The following CASK variants were observed in gnomAD, a reference collection of about 807,000 sequenced individuals.
CASK encodes the protein calcium/calmodulin dependent serine protein kinase.
Under a neutral mutation model 82.9 loss-of-function variants are expected in CASK, and 4 were observed. That is an observed-to-expected ratio of 0.05 (90% CI 0.02 to 0.11). The LOEUF is 0.11. CASK is among the 10% of genes least tolerant of loss of function. The pLI is 1.00. For missense variants in CASK, 358 were observed against 720.9 expected, an observed-to-expected ratio of 0.50 and a Z score of 5.76; for synonymous variants, 259 against 253.5, an observed-to-expected ratio of 1.02 and a Z score of -0.20.
chrX:41,534,029 C>CATCT (rs1174738486), intron 24 of CASK, among the ~76,000 whole-genome samples: 1 of 111,583 alleles, frequency 9.0e-6, no homozygotes, highest in Admixed American at 9.6e-5. Context: ...ACTTATCCAC[C>CATCT]ATCTGCTAAG....
chrX:41,694,018 T>A (rs1487026751), intron 5 of CASK, among the ~76,000 whole-genome samples: 1 of 112,222 alleles, frequency 8.9e-6, no homozygotes, highest in Non-Finnish European at 1.9e-5. Context: ...CCACTTTGCA[T>A]GGTAGCAGTC....
chrX:41,633,132 G>T (rs2066502185), intron 9 of CASK, among the ~76,000 whole-genome samples: 2 of 109,566 alleles, frequency 1.8e-5, no homozygotes, highest in South Asian at 3.9e-4. Context: ...GGAAATAAAT[G>T]ATTTTATCCT....
At chrX:41,622,715 A>T in intron 10 of CASK, 81 bp from the exon 11 acceptor site, 1 of 824,178 alleles carries the variant, frequency 1.2e-6, no homozygotes, top group Non-Finnish European at 1.7e-6. Context: ...AGTTCGGCCC[A>T]CTACATGAGC....
chrX:41,538,157 T>G (rs750175688), intron 22 of CASK, among the ~76,000 whole-genome samples: 2 of 111,765 alleles, frequency 1.8e-5, no homozygotes, highest in African/African-American at 6.5e-5. Flanking sequence ...ATTATTATTT[T>G]TAATGCCAAC....
chrX:41,562,885 C>T (rs1258552345), intron 16 of CASK: 1 of 105,638 alleles, frequency 9.5e-6, no homozygotes, highest in Non-Finnish European at 1.9e-5. Flanking sequence ...ATGGTGAAAC[C>T]CCGTCTCTAC....
At chrX:41,710,715 AG>A (rs1429124014) in intron 5 of CASK, among the ~76,000 whole-genome samples, 4 of 112,308 alleles carry the variant, frequency 3.6e-5, no homozygotes, top group South Asian at 3.7e-4. Context: ...TGAGGCTGGT[AG>A]CCTTGAAAGA....
intron 1 of CASK, among the ~76,000 whole-genome samples, chrX:41,908,412 G>A (rs1416832184): frequency 9.0e-6 from 1 of 111,635 alleles, no homozygotes; most frequent in African/African-American, 3.3e-5. Flanking sequence ...CAGCTCACAT[G>A]AATCCCTAAA....
At chrX:41,591,896 T>A (rs1011443758) in intron 12 of CASK, among the ~76,000 whole-genome samples, 1 of 111,293 alleles carries the variant, frequency 9.0e-6, no homozygotes, top group African/African-American at 3.3e-5. Flanking sequence ...CCCTGACGTG[T>A]CATAATATTA....
intron 5 of CASK, among the ~76,000 whole-genome samples, chrX:41,672,365 A>G (rs781090688): frequency 1.8e-5 from 2 of 111,065 alleles, no homozygotes; most frequent in Non-Finnish European, 3.8e-5. Context: ...TGGTGTCAGG[A>G]AAGAATTTCA....
chrX:41,520,799 T>A (rs2064626354), intron 26 of CASK, among the ~76,000 whole-genome samples: 1 of 111,925 alleles, frequency 8.9e-6, no homozygotes, highest in Admixed American at 9.4e-5. Context: ...TTGCTCAACA[T>A]GCAACAGAGG....
chrX:41,720,441 G>A (rs1375068449), intron 5 of CASK, among the ~76,000 whole-genome samples: 4 of 112,720 alleles, frequency 3.5e-5, no homozygotes, highest in Non-Finnish European at 7.5e-5. Flanking sequence ...GGTGTATGTT[G>A]AACTGGACAA....
intron 5 of CASK, among the ~76,000 whole-genome samples, chrX:41,719,484 G>A (rs1271765475): frequency 1.8e-5 from 2 of 112,167 alleles, no homozygotes; most frequent in Non-Finnish European, 3.8e-5. Context: ...TTTGTCATTA[G>A]TCTTTTCTTA....
At chrX:41,749,251 T>C (rs2068746225) in intron 3 of CASK, among the ~76,000 whole-genome samples, 1 of 106,549 alleles carries the variant, frequency 9.4e-6, no homozygotes, top group Admixed American at 1.0e-4. Flanking sequence ...ATTGCACCAC[T>C]GCACTCCAGT....
intron 26 of CASK, chrX:41,522,185 C>A (rs1173681328): frequency 9.0e-6 from 1 of 111,630 alleles, no homozygotes; most frequent in Non-Finnish European, 1.9e-5. Flanking sequence ...GAGGTCCAGG[C>A]AAGCCTCAGC....
At chrX:41,678,311 T>G (rs1285949263) in intron 5 of CASK, among the ~76,000 whole-genome samples, 1 of 111,342 alleles carries the variant, frequency 9.0e-6, no homozygotes, top group Non-Finnish European at 1.9e-5. Flanking sequence ...ATGCTTTTTT[T>G]TTTCCAATGT....
At chrX:41,652,017 A>G (rs1036841370) in intron 8 of CASK, among the ~76,000 whole-genome samples, 9 of 111,556 alleles carry the variant, frequency 8.1e-5, no homozygotes, top group Non-Finnish European at 1.5e-4. Flanking sequence ...TCCTTCCCCC[A>G]CATTTTAAAT....
intron 12 of CASK, among the ~76,000 whole-genome samples, chrX:41,606,794 G>T (rs1245702338): frequency 9.1e-6 from 1 of 109,632 alleles, no homozygotes; most frequent in Non-Finnish European, 1.9e-5. Flanking sequence ...CTGGGCTCAG[G>T]TGATCCTTCA....
intron 1 of CASK, among the ~76,000 whole-genome samples, chrX:41,916,139 T>C (rs1197341540): frequency 8.9e-6 from 1 of 112,333 alleles, no homozygotes; most frequent in African/African-American, 3.2e-5. Flanking sequence ...ATCGTGCCAC[T>C]GCACTCCAGC....
chrX:41,636,973 T>A (rs1160528631), intron 8 of CASK, among the ~76,000 whole-genome samples: 2 of 111,627 alleles, frequency 1.8e-5, no homozygotes, highest in African/African-American at 6.5e-5. Flanking sequence ...ACTTTTTTTT[T>A]TTTGAGACAG....
Sources: gnomAD v4.1 joint callset for allele counts (sites outside exome capture counted in the v4.1 genomes callset) on GRCh38, gnomAD v4.1.1 for gene constraint, MANE v1.5 for transcripts, NCBI Gene and HGNC (gene_info 2026-07-23, HGNC 2026-07-21) for gene names.